PLCB1: variants seen among roughly 807,000 people sequenced by gnomAD.
PLCB1 encodes the protein 1-phosphatidylinositol 4,5-bisphosphate phosphodiesterase beta-1.
A neutral mutation model predicts 161.8 loss-of-function variants in PLCB1; 46 were observed. That is an observed-to-expected ratio of 0.28 (90% CI 0.22 to 0.36). PLCB1 has a LOEUF of 0.36. Ranked by LOEUF, PLCB1 falls within the 10% of genes least tolerant of loss-of-function variation. The probability of loss-of-function intolerance (pLI) is 1.00; values close to 1 mark genes in which losing one functional copy is unlikely to be tolerated. For missense variants in PLCB1, 1,016 were observed against 1,472.5 expected, an observed-to-expected ratio of 0.69 and a Z score of 5.07; for synonymous variants, 517 against 503.7, an observed-to-expected ratio of 1.03 and a Z score of -0.35.
At chr20:8,537,568 C>G (rs2179439) in intron 3 of PLCB1, among the ~76,000 whole-genome samples, 96,258 of 151,786 alleles carry the variant, frequency 0.63, 31,258 homozygotes, top group African/African-American at 0.77. Context: ...GTGGGGTGTG[C>G]GGGGAGCCCT....
intron 3 of PLCB1, among the ~76,000 whole-genome samples, chr20:8,478,378 A>C (rs2122736332): frequency 6.6e-6 from 1 of 152,350 alleles, no homozygotes; most frequent in African/African-American, 2.4e-5. Context: ...GCAGAAAAAA[A>C]AAATTAGTGA....
At chr20:8,775,184 C>A (rs150415283) in intron 27 of PLCB1, among the ~76,000 whole-genome samples, 9 of 149,256 alleles carry the variant, frequency 6.0e-5, no homozygotes, top group African/African-American at 5.0e-5. Flanking sequence ...ATGGCCAACA[C>A]GGAATGTTGG....
At chr20:8,253,374 G>A (rs1267118433) in intron 2 of PLCB1, among the ~76,000 whole-genome samples, 1 of 151,804 alleles carries the variant, frequency 6.6e-6, no homozygotes. Flanking sequence ...TTTTATATAT[G>A]TCAGTCTATC....
intron 2 of PLCB1, among the ~76,000 whole-genome samples, chr20:8,258,418 C>A (rs1981531131): frequency 6.6e-6 from 1 of 152,126 alleles, no homozygotes; most frequent in South Asian, 2.1e-4. Context: ...TTCTTAGATA[C>A]TCTTGATTTG....
At chr20:8,814,751 C>G (rs1269758726) in intron 31 of PLCB1, among the ~76,000 whole-genome samples, 1 of 152,146 alleles carries the variant, frequency 6.6e-6, no homozygotes, top group Non-Finnish European at 1.5e-5. Context: ...CCATAAATAT[C>G]CTCTTACTCT....
At chr20:8,294,395 G>C (rs555553301) in intron 2 of PLCB1, among the ~76,000 whole-genome samples, 1 of 152,044 alleles carries the variant, frequency 6.6e-6, no homozygotes, top group Non-Finnish European at 1.5e-5. Flanking sequence ...ATTACCAAAA[G>C]TTGAGGATAA....
intron 3 of PLCB1, among the ~76,000 whole-genome samples, chr20:8,577,320 C>T (rs1410901038): frequency 1.3e-5 from 2 of 150,982 alleles, no homozygotes; most frequent in Non-Finnish European, 3.0e-5. Context: ...CACCTGTAAT[C>T]CCAGCTACTC....
At chr20:8,293,974 A>G (rs1007598875) in intron 2 of PLCB1, among the ~76,000 whole-genome samples, 3 of 152,184 alleles carry the variant, frequency 2.0e-5, no homozygotes, top group African/African-American at 7.2e-5. Context: ...TTTGAGTTGC[A>G]CATCTTGGGA....
At chr20:8,297,581 A>T (rs1468362394) in intron 2 of PLCB1, among the ~76,000 whole-genome samples, 6 of 152,304 alleles carry the variant, frequency 3.9e-5, no homozygotes, top group African/African-American at 1.2e-4. Context: ...AATAATCGTT[A>T]TAACCACTGA....
chr20:8,195,630 A>G (rs1363054185), intron 2 of PLCB1, among the ~76,000 whole-genome samples: 1 of 152,090 alleles, frequency 6.6e-6, no homozygotes, highest in Non-Finnish European at 1.5e-5. Flanking sequence ...CCATTTGGCA[A>G]CTGATGGATT....
intron 3 of PLCB1, among the ~76,000 whole-genome samples, chr20:8,449,170 CT>C (rs1386308172): frequency 3.3e-5 from 5 of 152,146 alleles, no homozygotes; most frequent in African/African-American, 9.7e-5. Context: ...TTATTGAATG[CT>C]TATGACATAC....
Position 8,603,795 on chromosome 20 carries a change from T to C in PLCB1, c.247-24499T>C, listed in dbSNP as rs1017057645. ...ACCACTTAACATTAACAGCTTTCAA[T>C]TTTATGATCCTTTGTGTTGGACAGG... On this transcript the variant is annotated intron_variant, in intron 3 of 31. Coordinates refer to ENST00000338037, the MANE Select transcript of PLCB1 (RefSeq NM_015192.4). 3.2e-4 allele frequency among the ~76,000 whole-genome samples: 49 copies of C among 152,214 alleles called. 2 individuals carry two copies. Among genetic ancestry groups the C allele is most frequent in the Non-Finnish European group, 8.8e-5 (6 of 68,038 alleles).
chr20:8,748,500 A>T (rs888426463), intron 23 of PLCB1, among the ~76,000 whole-genome samples: 1 of 152,210 alleles, frequency 6.6e-6, no homozygotes. Flanking sequence ...TAAAATTTCA[A>T]TGGATTCTAA....
intron 2 of PLCB1, among the ~76,000 whole-genome samples, chr20:8,310,195 T>G (rs1057020620): frequency 6.6e-6 from 1 of 152,170 alleles, no homozygotes; most frequent in African/African-American, 2.4e-5. Context: ...TCCCCATCCC[T>G]TTGGAAATAT....
intron 2 of PLCB1, among the ~76,000 whole-genome samples, chr20:8,319,863 G>A (rs1310069082): frequency 2.0e-5 from 3 of 151,478 alleles, no homozygotes; most frequent in Admixed American, 1.3e-4. Flanking sequence ...GGGGGAAGGG[G>A]GAGGGATAGC....
At chr20:8,614,969 C>A (rs1428818055) in intron 3 of PLCB1, among the ~76,000 whole-genome samples, 1 of 152,060 alleles carries the variant, frequency 6.6e-6, no homozygotes, top group Non-Finnish European at 1.5e-5. Flanking sequence ...AATTCATATT[C>A]AGAAGGTTCT....
At chr20:8,589,610 CTTTTTTTT>C (rs71183102) in intron 3 of PLCB1, among the ~76,000 whole-genome samples, 1 of 80,106 alleles carries the variant, frequency 1.2e-5, no homozygotes, top group Non-Finnish European at 2.3e-5. Flanking sequence ...CAATCTCTCT[CTTTTTTTT>C]TTTTTTTTTT....
At chr20:8,674,846 T>A (rs949441032) in intron 9 of PLCB1, among the ~76,000 whole-genome samples, 1 of 152,170 alleles carries the variant, frequency 6.6e-6, no homozygotes, top group African/African-American at 2.4e-5. Flanking sequence ...AATGCTTTGT[T>A]GCTGCTTGTT....
intron 27 of PLCB1, among the ~76,000 whole-genome samples, chr20:8,776,838 G>A (rs961959210): frequency 1.3e-5 from 2 of 152,158 alleles, no homozygotes; most frequent in African/African-American, 4.8e-5. Context: ...ATGTTAGGTA[G>A]TAATAAGGGC....
Sources: allele counts gnomAD v4.1 joint callset (sites outside exome capture counted in the v4.1 genomes callset), GRCh38; gene constraint gnomAD v4.1.1; transcripts MANE v1.5; gene names NCBI Gene and HGNC (gene_info 2026-07-23, HGNC 2026-07-21).